The following RBFOX1 variants were observed in gnomAD, a reference collection of about 807,000 sequenced individuals.
The protein encoded by RBFOX1 is RNA binding protein fox-1 homolog 1.
RBFOX1 carries 8 observed loss-of-function variants against 57.7 expected under a neutral mutation model. The observed-to-expected ratio is 0.14, with a 90% CI of 0.08 to 0.25. RBFOX1 has a LOEUF of 0.25. Ranked by LOEUF, RBFOX1 falls within the 10% of genes least tolerant of loss-of-function variation. The pLI, the probability that RBFOX1 is intolerant of heterozygous loss-of-function variation, is 1.00. For missense variants in RBFOX1, 611 were observed against 548.5 expected, an observed-to-expected ratio of 1.11 and a Z score of -1.14; for synonymous variants, 326 against 222.4, an observed-to-expected ratio of 1.47 and a Z score of -4.15.
intron 4 of RBFOX1, among the ~76,000 whole-genome samples, chr16:7,506,184 CAAAAAAAAAAAAAAA>C (rs552568132): frequency 1.4e-4 from 7 of 49,940 alleles, no homozygotes; most frequent in African/African-American, 2.9e-4. Flanking sequence ...GACTCTGTCT[CAAAAAAAAAAAAAAA>C]AAAAAAAAAA....
rs150015315 is a variant in RBFOX1 at position 7,029,994 on chromosome 16, C to T, written c.-15-22063C>T. 5.6e-3 allele frequency among the ~76,000 whole-genome samples: 850 copies of T among 152,250 alleles called. 9 individuals carry two copies. The highest frequency in any genetic ancestry group is 0.017 in the African/African-American group (725 of 41,548). On this transcript the variant is annotated intron_variant, in intron 3 of 15. Transcript: ENST00000550418. ...AGACAGTCAACAAGGACACACTTTT[C>T]GGTCACGTGTGTGTGATCCCTTTAT...
rs976055075 is a variant in RBFOX1, at chr16:5,694,334, A to T, written c.318+95373A>T. On this transcript the variant is annotated intron_variant, in intron 3 of 19. Coordinates refer to the RBFOX1 transcript ENST00000641259. ...TGTTTTACCTTGTCATTATAGAGCT[A>T]CTGTGATCCATTATTGAGGATTTTC... 4.6e-5 allele frequency among the ~76,000 whole-genome samples: 7 copies of T among 152,328 alleles called. No individual in the cohort carries two copies. The East Asian group carries it at 1.4e-3, about 29-fold the overall frequency.
chr16:6,736,332 C>G (rs1364224753), intron 3 of RBFOX1, among the ~76,000 whole-genome samples: 1 of 152,110 alleles, frequency 6.6e-6, no homozygotes, highest in Non-Finnish European at 1.5e-5. Context: ...CCCAAGTCCC[C>G]AAAGTCCATT....
intron 3 of RBFOX1, among the ~76,000 whole-genome samples, chr16:6,746,921 G>A (rs1568442904): frequency 1.3e-5 from 2 of 152,154 alleles, no homozygotes; most frequent in South Asian, 2.1e-4. Context: ...AGTATTTTGG[G>A]AGACTTCAGC....
At chr16:7,630,125 C>T (rs770356791) in intron 10 of RBFOX1, among the ~76,000 whole-genome samples, 5 of 151,758 alleles carry the variant, frequency 3.3e-5, no homozygotes, top group East Asian at 1.9e-4. Flanking sequence ...GCCCTGGGTA[C>T]GTCTCCAGTC....
At chr16:5,918,270 C>A (rs2058750728) in intron 4 of RBFOX1, among the ~76,000 whole-genome samples, 1 of 152,170 alleles carries the variant, frequency 6.6e-6, no homozygotes, top group South Asian at 2.1e-4. Flanking sequence ...CAGGCAGCTG[C>A]CACCATGCCT....
At chr16:6,802,684 CA>C (rs1345225026) in intron 3 of RBFOX1, among the ~76,000 whole-genome samples, 12 of 151,912 alleles carry the variant, frequency 7.9e-5, no homozygotes, top group Non-Finnish European at 1.5e-4. Flanking sequence ...CAATTAAAAA[CA>C]AAAAAAGTGC....
chr16:6,896,455 T>G (rs1307561822), intron 3 of RBFOX1, among the ~76,000 whole-genome samples: 1 of 152,194 alleles, frequency 6.6e-6, no homozygotes, highest in Non-Finnish European at 1.5e-5. Context: ...ATCCTTCTAC[T>G]GTCTATGTAC....
intron 2 of RBFOX1, among the ~76,000 whole-genome samples, chr16:5,587,755 G>A (rs184565559): frequency 5.3e-5 from 8 of 152,184 alleles, no homozygotes; most frequent in African/African-American, 1.9e-4. Flanking sequence ...AATATGGAGG[G>A]ACCTGAGCCC....
chr16:6,550,880 C>A (rs1394864169), intron 2 of RBFOX1, among the ~76,000 whole-genome samples: 2 of 152,160 alleles, frequency 1.3e-5, no homozygotes, highest in South Asian at 4.1e-4. Context: ...GTGAGTTCTT[C>A]CCAGACAAGT....
At chr16:6,835,180 C>T (rs191662152) in intron 3 of RBFOX1, among the ~76,000 whole-genome samples, 3 of 152,152 alleles carry the variant, frequency 2.0e-5, no homozygotes, top group South Asian at 2.1e-4. Context: ...GGATCACAGG[C>T]GTGAGCCACC....
At chr16:6,555,641 C>A (rs1028707225) in intron 2 of RBFOX1, among the ~76,000 whole-genome samples, 13 of 151,752 alleles carry the variant, frequency 8.6e-5, no homozygotes, top group African/African-American at 2.2e-4. Context: ...CAGAGCTTGC[C>A]GTGAGCCAAG....
intron 11 of RBFOX1, among the ~76,000 whole-genome samples, chr16:7,636,851 G>C (rs1337864603): frequency 2.0e-5 from 3 of 152,144 alleles, no homozygotes; most frequent in Non-Finnish European, 2.9e-5. Flanking sequence ...GAAACAGAGA[G>C]AGAGAGAGGA....
chr16:5,734,783 C>T (rs189392189), intron 3 of RBFOX1, among the ~76,000 whole-genome samples: 50 of 152,146 alleles, frequency 3.3e-4, no homozygotes, highest in African/African-American at 9.9e-4. Context: ...ATATCCTTGG[C>T]TTGGATGAGC....
intron 4 of RBFOX1, among the ~76,000 whole-genome samples, chr16:5,919,251 C>T (rs527815952): frequency 2.0e-5 from 3 of 152,218 alleles, no homozygotes; most frequent in South Asian, 2.1e-4. Context: ...TGAATTAGCC[C>T]TGTAACATGT....
chr16:5,848,230 C>A (rs1054327710), intron 3 of RBFOX1, among the ~76,000 whole-genome samples: 2 of 152,086 alleles, frequency 1.3e-5, no homozygotes, highest in Non-Finnish European at 2.9e-5. Flanking sequence ...TCTTATCCAG[C>A]CCACCACCAC....
At chr16:7,068,436 C>T (rs1193962234) in intron 4 of RBFOX1, among the ~76,000 whole-genome samples, 1 of 152,042 alleles carries the variant, frequency 6.6e-6, no homozygotes, top group Non-Finnish European at 1.5e-5. Context: ...GGCCATTGGC[C>T]CAGGACTCAC....
At chr16:6,431,936 T>TCTTC (rs1491151573) in intron 2 of RBFOX1, among the ~76,000 whole-genome samples, 1 of 151,190 alleles carries the variant, frequency 6.6e-6, no homozygotes, top group Admixed American at 6.6e-5. Context: ...TTTCTTTCTT[T>TCTTC]CTTTCTTTCT....
chr16:7,458,309 T>A (rs1423480367), intron 4 of RBFOX1, among the ~76,000 whole-genome samples: 1 of 152,148 alleles, frequency 6.6e-6, no homozygotes, highest in Admixed American at 6.5e-5. Context: ...CTCTCTGCCT[T>A]CCCCTAAGTC....
Sources: allele counts gnomAD v4.1 joint callset (sites outside exome capture counted in the v4.1 genomes callset), GRCh38; gene constraint gnomAD v4.1.1; transcripts MANE v1.5; gene names NCBI Gene and HGNC (gene_info 2026-07-23, HGNC 2026-07-21).